ARHGAP26: variants seen among roughly 807,000 people sequenced by gnomAD.
The protein encoded by ARHGAP26 is Rho GTPase activating protein 26.
A neutral mutation model predicts 104.8 loss-of-function variants in ARHGAP26; 38 were observed. The ratio of observed to expected loss-of-function variants is 0.36; its 90% CI spans 0.28 to 0.48. ARHGAP26 has a LOEUF of 0.48. ARHGAP26 is among the 20% of genes least tolerant of loss of function. The pLI, the probability that ARHGAP26 is intolerant of heterozygous loss-of-function variation, is 0.99. For missense variants in ARHGAP26, 704 were observed against 947.9 expected, an observed-to-expected ratio of 0.74 and a Z score of 3.38; for synonymous variants, 341 against 340.0, an observed-to-expected ratio of 1.00 and a Z score of -0.03.
At chr5:143,068,151 C>G (rs1052001401) in intron 17 of ARHGAP26, among the ~76,000 whole-genome samples, 1 of 152,008 alleles carries the variant, frequency 6.6e-6, no homozygotes, top group Non-Finnish European at 1.5e-5. Flanking sequence ...GGTGAGAGAG[C>G]AACACCTTGT....
intron 12 of ARHGAP26, among the ~76,000 whole-genome samples, chr5:143,035,850 C>T (rs1483257206): frequency 6.7e-6 from 1 of 149,694 alleles, no homozygotes; most frequent in African/African-American, 2.5e-5. Context: ...GCAGGAGACT[C>T]GCTTGAACCC....
chr5:142,781,680 T>C (rs1021243793), intron 1 of ARHGAP26, among the ~76,000 whole-genome samples: 2 of 152,196 alleles, frequency 1.3e-5, no homozygotes, highest in Admixed American at 1.3e-4. Context: ...AATATTCAAA[T>C]AAACACTGAT....
At chr5:142,786,311 T>G (rs1758617996) in intron 1 of ARHGAP26, among the ~76,000 whole-genome samples, 1 of 151,962 alleles carries the variant, frequency 6.6e-6, no homozygotes, top group Non-Finnish European at 1.5e-5. Flanking sequence ...GTTAATTTCT[T>G]TAAGAGTTGG....
At chr5:142,781,079 A>T (rs1757399990) in intron 1 of ARHGAP26, among the ~76,000 whole-genome samples, 1 of 152,214 alleles carries the variant, frequency 6.6e-6, no homozygotes, top group Non-Finnish European at 1.5e-5. Flanking sequence ...GAGAGGAGGC[A>T]GGGAAACAGG....
At chr5:143,003,135 A>G (rs1268799691) in intron 11 of ARHGAP26, among the ~76,000 whole-genome samples, 1 of 152,242 alleles carries the variant, frequency 6.6e-6, no homozygotes, top group East Asian at 1.9e-4. Context: ...TAATAATCCC[A>G]GAACAGTTAG....
intron 16 of ARHGAP26, among the ~76,000 whole-genome samples, chr5:143,056,641 T>G (rs898469000): frequency 3.9e-5 from 6 of 152,144 alleles, no homozygotes; most frequent in African/African-American, 1.2e-4. Context: ...AGGGATTAGG[T>G]GCAAGCTACT....
chr5:142,930,366 A>AGT (rs1025483031), intron 10 of ARHGAP26, among the ~76,000 whole-genome samples: 2 of 152,142 alleles, frequency 1.3e-5, no homozygotes, highest in Non-Finnish European at 2.9e-5. Context: ...GATGGTGGGA[A>AGT]GTGGGCACTT....
chr5:142,931,939 T>C, intron 10 of ARHGAP26, 108 bp from the exon 11 acceptor site: 1 of 1,048,400 alleles, frequency 9.5e-7, no homozygotes, highest in Non-Finnish European at 1.5e-6. Context: ...TTTGTGTTGT[T>C]AACCTTAGCA....
chr5:142,903,492 A>G (rs760708805), intron 7 of ARHGAP26, 48 bp from the exon 8 acceptor site: 2 of 1,592,880 alleles, frequency 1.3e-6, no homozygotes, highest in African/African-American at 2.7e-5. Context: ...GGATTGTTAA[A>G]ACAGATACTT....
intron 5 of ARHGAP26, among the ~76,000 whole-genome samples, chr5:142,886,192 T>C (rs1757672658): frequency 6.6e-6 from 1 of 152,230 alleles, no homozygotes; most frequent in Non-Finnish European, 1.5e-5. Flanking sequence ...CTCTGTCATA[T>C]GTTTGCCAAA....
In ARHGAP26 at chr5:142,858,094, T is replaced by TGTGTGTGTGTGA. The variant is rs1424264346; in HGVS notation, c.155-15305_155-15304insTGTGTGTGTGAG. Among the ~76,000 whole-genome samples, 764 of 127,194 alleles carry TGTGTGTGTGTGA rather than the reference T, an allele frequency of 6.0e-3. 9 individuals are homozygous for TGTGTGTGTGTGA. Among genetic ancestry groups the TGTGTGTGTGTGA allele is most frequent in the African/African-American group, 0.019 (628 of 32,356 alleles). 83.4% of individuals were successfully genotyped at this position (127,194 alleles called of 152,430 possible). ...GTGTGTGTGTGTGTGTGTGTGTGTG[T>TGTGTGTGTGTGA]GAGAGAGAGAGAGAGAGGGAGTGTG... On this transcript the variant is annotated intron_variant, in intron 1 of 22. Coordinates refer to ENST00000645722, the MANE Select transcript of ARHGAP26 (RefSeq NM_001135608.3).
chr5:143,156,942 C>G (rs1188195263), intron 20 of ARHGAP26, among the ~76,000 whole-genome samples: 1 of 152,174 alleles, frequency 6.6e-6, no homozygotes. Context: ...GTGGGTGCAT[C>G]AATTAATCAA....
intron 18 of ARHGAP26, among the ~76,000 whole-genome samples, chr5:143,128,150 T>A (rs1418617588): frequency 1.3e-5 from 2 of 152,208 alleles, no homozygotes; most frequent in Non-Finnish European, 2.9e-5. Context: ...TGTAAGATAC[T>A]CTTCATTAAT....
In ARHGAP26 at chr5:142,923,739, C is replaced by T. The variant is rs117782528; in HGVS notation, c.1029-8308C>T. Among the ~76,000 whole-genome samples the T allele has an allele frequency of 3.4e-3, 515 of 152,002 alleles. 12 individuals carry two copies. In the East Asian group the frequency reaches 0.054, roughly 16 times the overall value. ...ACTTATCTGATGTGGTTGGTGATAC[C>T]TACTTTTTAGACTATTATTATTGCT... On this transcript the variant is annotated intron_variant, in intron 10 of 22. Coordinates refer to ENST00000645722, the MANE Select transcript of ARHGAP26 (RefSeq NM_001135608.3).
chr5:142,841,958 T>G (rs961644269), intron 1 of ARHGAP26, among the ~76,000 whole-genome samples: 1 of 152,170 alleles, frequency 6.6e-6, no homozygotes, highest in Non-Finnish European at 1.5e-5. Context: ...GACTTTTGCT[T>G]GTTTGGTAAG....
rs140427923 is a variant in ARHGAP26, at chr5:142,927,010, T to C, written c.1029-5037T>C. Among the ~76,000 whole-genome samples, 57 of 152,310 alleles carry C rather than the reference T, an allele frequency of 3.7e-4. No individual in the cohort carries two copies. In the East Asian group the frequency reaches 0.01, roughly 27 times the overall value. ...GACAAGTAATTGAACTGCTCTATGC[T>C]ACTGTTCTTTAAAACATAGGTAATA... On this transcript the variant is annotated intron_variant, in intron 10 of 22. Coordinates refer to ENST00000645722, the MANE Select transcript of ARHGAP26 (RefSeq NM_001135608.3).
chr5:142,991,221 T>C (rs1169701848), intron 11 of ARHGAP26, among the ~76,000 whole-genome samples: 1 of 152,218 alleles, frequency 6.6e-6, no homozygotes, highest in Non-Finnish European at 1.5e-5. Flanking sequence ...ACTGCTGTGC[T>C]AGTGGTGAGC....
chr5:143,131,622 G>A (rs981640731), intron 18 of ARHGAP26, among the ~76,000 whole-genome samples: 4 of 152,182 alleles, frequency 2.6e-5, no homozygotes, highest in African/African-American at 7.2e-5. Context: ...AGTGAAGATT[G>A]CCTGGAGATT....
chr5:143,207,339 T>A, intron 21 of ARHGAP26, 31 bp downstream of exon 21: 1 of 1,614,212 alleles, frequency 6.2e-7, no homozygotes, highest in Non-Finnish European at 8.5e-7. Context: ...GGTTTTCTGT[T>A]GCTGCCGTTG....
Sources: allele counts gnomAD v4.1 joint callset (sites outside exome capture counted in the v4.1 genomes callset), GRCh38; gene constraint gnomAD v4.1.1; transcripts MANE v1.5; gene names NCBI Gene and HGNC (gene_info 2026-07-23, HGNC 2026-07-21).